Variants in EPHB2 observed in about 807,000 individuals in gnomAD.
EPHB2 encodes ephrin type-B receptor 2.
EPHB2 carries 18 observed loss-of-function variants against 96.4 expected under a neutral mutation model. That is an observed-to-expected ratio of 0.19 (90% CI 0.13 to 0.28). EPHB2 has a LOEUF of 0.28. Among genes scored for constraint, EPHB2 ranks in the 10% least tolerant of loss-of-function variants. The pLI is 1.00. For synonymous variants in EPHB2, 506 were observed against 534.1 expected (o/e 0.95, Z 0.72); for missense variants, 989 against 1,355.4 (o/e 0.73, Z 4.25).
chr1:22,712,965 G>T (rs1040570465), intron 1 of EPHB2, among the ~76,000 whole-genome samples: 1 of 152,168 alleles, frequency 6.6e-6, no homozygotes, highest in East Asian at 1.9e-4. Context: ...TAATTACTCT[G>T]GGGTAGATGG....
chr1:22,714,773 T>G (rs1014341285), intron 1 of EPHB2, among the ~76,000 whole-genome samples: 11 of 152,222 alleles, frequency 7.2e-5, no homozygotes, highest in African/African-American at 2.2e-4. Flanking sequence ...CCGGCTAGAC[T>G]GTGAGCTCCC....
chr1:22,878,222 G>T (rs549283437), intron 5 of EPHB2, among the ~76,000 whole-genome samples: 81 of 152,290 alleles, frequency 5.3e-4, no homozygotes, highest in Non-Finnish European at 9.9e-4. Context: ...TGTGAACGGA[G>T]CAGCCTCTGC....
chr1:22,811,518 T>A (rs1352170228), intron 3 of EPHB2, among the ~76,000 whole-genome samples: 3 of 152,220 alleles, frequency 2.0e-5, no homozygotes, highest in African/African-American at 7.2e-5. Context: ...TAAAGATAAT[T>A]GCCTGGGCAC....
At chr1:22,891,562 C>T (rs1480270042) in intron 6 of EPHB2, among the ~76,000 whole-genome samples, 4 of 152,252 alleles carry the variant, frequency 2.6e-5, no homozygotes, top group Admixed American at 2.6e-4. Context: ...GGGCGGCTGA[C>T]AGATGCCTAA....
At chr1:22,798,968 G>C (rs1363336970) in intron 3 of EPHB2, among the ~76,000 whole-genome samples, 1 of 152,118 alleles carries the variant, frequency 6.6e-6, no homozygotes. Flanking sequence ...GGGGGGACAT[G>C]GTAATGGATG....
chr1:22,814,277 G>A (rs1482895082), intron 3 of EPHB2, among the ~76,000 whole-genome samples: 7 of 152,230 alleles, frequency 4.6e-5, no homozygotes, highest in Non-Finnish European at 1.0e-4. Context: ...ACATTGCTCA[G>A]TGAGGCTAGT....
intron 1 of EPHB2, among the ~76,000 whole-genome samples, chr1:22,748,377 CT>C (rs372352422): frequency 0.12 from 17,539 of 142,992 alleles, 1,227 homozygotes; most frequent in African/African-American, 0.21. Context: ...TTTCTGGGTC[CT>C]TTTTTTTTTT....
At chr1:22,797,491 G>A (rs146160565) in intron 3 of EPHB2, among the ~76,000 whole-genome samples, 36 of 152,150 alleles carry the variant, frequency 2.4e-4, no homozygotes, top group African/African-American at 7.7e-4. Flanking sequence ...ACCTTGGAGG[G>A]CCCCAGTGCT....
chr1:22,732,422 T>A (rs1216294205), intron 1 of EPHB2, among the ~76,000 whole-genome samples: 1 of 152,170 alleles, frequency 6.6e-6, no homozygotes, highest in Non-Finnish European at 1.5e-5. Flanking sequence ...TCTCTCTAAT[T>A]TTTGAGAAAA....
At chr1:22,741,984 T>C (rs1294114981) in intron 1 of EPHB2, among the ~76,000 whole-genome samples, 1 of 151,548 alleles carries the variant, frequency 6.6e-6, no homozygotes, top group African/African-American at 2.4e-5. Context: ...ACACCTCTTC[T>C]GCACCATTTT....
At position 22,781,502 on chromosome 1, in the gene EPHB2, C is replaced by T; in HGVS notation, c.126+17C>T. ...CCATCAGGGGTGAGTCAGTGGTCCCCAAACCTTGCATTGGTCCCCAGGATC... is the reference window on the plus strand; with the variant it reads ...CCATCAGGGGTGAGTCAGTGGTCCCTAAACCTTGCATTGGTCCCCAGGATC... On this transcript the variant is annotated intron_variant, in intron 2 of 15. Coordinates refer to ENST00000374630, the MANE Select transcript of EPHB2 (RefSeq NM_017449.5). 1 of 1,613,638 alleles carries T rather than the reference C, an allele frequency of 6.2e-7. No homozygotes were observed. Among genetic ancestry groups the T allele is most frequent in the Non-Finnish European group, 8.5e-7 (1 of 1,179,712 alleles).
chr1:22,761,281 GAGT>G, intron 1 of EPHB2, among the ~76,000 whole-genome samples: 1 of 152,228 alleles, frequency 6.6e-6, no homozygotes, highest in Non-Finnish European at 1.5e-5. Context: ...AAAAAACAAA[GAGT>G]AGCACGAACA....
chr1:22,732,538 C>T (rs972663097), intron 1 of EPHB2, among the ~76,000 whole-genome samples: 13 of 152,192 alleles, frequency 8.5e-5, no homozygotes, highest in African/African-American at 2.2e-4. Context: ...CCTCAGTGCG[C>T]GTGTGCACAC....
chr1:22,799,600 G>T (rs116840157), intron 3 of EPHB2, among the ~76,000 whole-genome samples: 16 of 152,222 alleles, frequency 1.1e-4, no homozygotes, highest in Non-Finnish European at 1.2e-4. Context: ...TGGCCCCTGC[G>T]ATCTAAATGC....
At chr1:22,873,950 AAG>A (rs1236015692) in intron 5 of EPHB2, among the ~76,000 whole-genome samples, 1 of 152,216 alleles carries the variant, frequency 6.6e-6, no homozygotes, top group Non-Finnish European at 1.5e-5. Flanking sequence ...AGTTGAGAAA[AAG>A]AGAGAATGGA....
At chr1:22,778,273 C>T (rs937379367) in intron 1 of EPHB2, among the ~76,000 whole-genome samples, 2 of 151,842 alleles carry the variant, frequency 1.3e-5, no homozygotes, top group African/African-American at 4.8e-5. Context: ...TGATCTCCCC[C>T]CCTCAAAAGG....
intron 1 of EPHB2, among the ~76,000 whole-genome samples, chr1:22,763,530 C>T (rs1423349610): frequency 6.6e-6 from 1 of 152,026 alleles, no homozygotes; most frequent in Non-Finnish European, 1.5e-5. Flanking sequence ...AGTGGCCAGG[C>T]CCTCCCCCCC....
intron 3 of EPHB2, among the ~76,000 whole-genome samples, chr1:22,798,319 G>A (rs1323321103): frequency 3.3e-5 from 5 of 152,142 alleles, no homozygotes; most frequent in East Asian, 3.9e-4. Flanking sequence ...TGGCCAGGGC[G>A]CCCCACAGGT....
At chr1:22,776,537 C>T (rs578109338) in intron 1 of EPHB2, among the ~76,000 whole-genome samples, 1 of 152,318 alleles carries the variant, frequency 6.6e-6, no homozygotes, top group South Asian at 2.1e-4. Context: ...AGAGGCAGCT[C>T]GAGGGAGCCC....
Sources: gnomAD v4.1 joint callset for allele counts (sites outside exome capture counted in the v4.1 genomes callset) on GRCh38, gnomAD v4.1.1 for gene constraint, MANE v1.5 for transcripts, NCBI Gene and HGNC (gene_info 2026-07-23, HGNC 2026-07-21) for gene names.